SEC23A: variants seen among roughly 807,000 people sequenced by gnomAD.
SEC23A encodes protein transport protein Sec23A.
Under a neutral mutation model 103.7 loss-of-function variants are expected in SEC23A, and 56 were observed. That is an observed-to-expected ratio of 0.54 (90% CI 0.44 to 0.67). SEC23A has a LOEUF of 0.67. SEC23A is among the 30% of genes least tolerant of loss of function. The pLI, the probability that SEC23A is intolerant of heterozygous loss-of-function variation, is 0.00. For missense variants in SEC23A, 784 were observed against 936.4 expected (o/e 0.84, Z 2.12); for synonymous variants, 281 against 293.0 (o/e 0.96, Z 0.42).
chr14:39,083,286 T>A (rs1459898729), intron 7 of SEC23A, among the ~76,000 whole-genome samples: 2 of 152,070 alleles, frequency 1.3e-5, no homozygotes, highest in Admixed American at 1.3e-4. Flanking sequence ...TAAACGCATA[T>A]CTGATTGCTC....
At chr14:39,036,849 C>A (rs1195277679) in intron 19 of SEC23A, among the ~76,000 whole-genome samples, 1 of 152,118 alleles carries the variant, frequency 6.6e-6, no homozygotes, top group Non-Finnish European at 1.5e-5. Context: ...TTCTCACCCA[C>A]TAATTCCTTA....
intron 16 of SEC23A, 141 bp downstream of exon 16, chr14:39,045,022 T>C (rs1034214077): frequency 5.1e-5 from 37 of 726,870 alleles, no homozygotes; most frequent in Non-Finnish European, 8.0e-5. Context: ...TTTAAGCGAA[T>C]ACATTAATAG....
Position 39,076,005 on chromosome 14 carries a change from A to C in SEC23A, c.917T>G (p.Leu306Trp). 6.2e-7 allele frequency: 1 copy of C among 1,614,002 alleles called. No homozygotes were observed. Among genetic ancestry groups the C allele is most frequent in the Non-Finnish European group, 8.5e-7 (1 of 1,179,928 alleles). The change falls in exon 8 of 20, where the codon TTG becomes TGG. Residue 306 changes from leucine to tryptophan, a missense_variant. Leu to Trp is a moderately conservative substitution (Grantham distance 61, BLOSUM62 -2). This residue lies in a region of SEC23A where 683 missense variants were observed against 774.2 expected (regional missense o/e 0.88). Coordinates refer to ENST00000307712, the MANE Select transcript of SEC23A (RefSeq NM_006364.4). The part of the protein sequence containing the change: ...QGPGMVVGDE[L>W]KTPIRSWHDI... ...ATGCCACGATCTTATAGGTGTCTTC[A>C]ACTCATCTCCAACCACCATTCCAGG... is the stretch of plus-strand genomic sequence containing the variant.
At chr14:39,034,570 G>A (rs911955597) in intron 19 of SEC23A, among the ~76,000 whole-genome samples, 1 of 152,044 alleles carries the variant, frequency 6.6e-6, no homozygotes, top group Admixed American at 6.6e-5. Context: ...CTGTAACTAT[G>A]CCTGATTTTA....
Position 39,085,837 on chromosome 14 carries a change from A to T in SEC23A, c.753T>A (p.Pro251=). The T allele has an allele frequency of 6.2e-7, 1 of 1,613,974 alleles. No individual in the cohort carries two copies. Among genetic ancestry groups the T allele is most frequent in the Non-Finnish European group, 8.5e-7 (1 of 1,179,910 alleles). The change falls in exon 7 of 20, where the codon CCT becomes CCA. Residue 251 remains proline, a synonymous_variant. Coordinates refer to ENST00000307712, the MANE Select transcript of SEC23A (RefSeq NM_006364.4). ...GTCTCTTTCCCTGTGGTACAGGCCA[A>T]GGGTCTCGCTGGAGTTCTCCCAGAA... ...TDLLGELQRD[P]WPVPQGKRPL...
At chr14:39,071,834 A>G (rs531472227) in intron 9 of SEC23A, among the ~76,000 whole-genome samples, 7 of 152,312 alleles carry the variant, frequency 4.6e-5, no homozygotes, top group Admixed American at 4.6e-4. Flanking sequence ...ACTGCACTCC[A>G]GCCTGGGTGA....
At chr14:39,086,026 T>C (rs1887431767) in intron 6 of SEC23A, 120 bp from the exon 7 acceptor site, 2 of 872,042 alleles carry the variant, frequency 2.3e-6, no homozygotes, top group South Asian at 1.4e-5. Flanking sequence ...AGACCAATGG[T>C]TCTCAAACTT....
intron 19 of SEC23A, among the ~76,000 whole-genome samples, chr14:39,035,023 T>TCATC (rs1209128226): frequency 6.6e-6 from 1 of 152,174 alleles, no homozygotes; most frequent in African/African-American, 2.4e-5. Context: ...TTAAATGCAA[T>TCATC]CATCAAATTA....
At chr14:39,040,481 T>C (rs1885602039) in intron 18 of SEC23A, 1 of 539,512 alleles carries the variant, frequency 1.9e-6, no homozygotes, top group Non-Finnish European at 3.3e-6. Flanking sequence ...AATGCCATCC[T>C]GGCCCTGTTC....
intron 15 of SEC23A, chr14:39,047,382 C>A (rs952746580): frequency 4.7e-6 from 6 of 1,287,962 alleles, no homozygotes; most frequent in African/African-American, 4.6e-5. Context: ...GACAAGCAGA[C>A]CTTGCCTTTT....
chr14:39,083,563 CTTTTT>C (rs71130810), intron 7 of SEC23A, among the ~76,000 whole-genome samples: 3 of 91,806 alleles, frequency 3.3e-5, no homozygotes, highest in Admixed American at 1.3e-4. Flanking sequence ...AATAAACTTT[CTTTTT>C]TTTTTTTTTT....
At chr14:39,065,686 T>C (rs1886634972) in intron 10 of SEC23A, among the ~76,000 whole-genome samples, 1 of 152,036 alleles carries the variant, frequency 6.6e-6, no homozygotes, top group Non-Finnish European at 1.5e-5. Flanking sequence ...TAAAATGCAA[T>C]ATCCTCTAAC....
In SEC23A at chr14:39,048,715, T is replaced by C. The variant is rs1030625435; in HGVS notation, c.1674A>G (p.Gly558=). The C allele has an allele frequency of 1.3e-6, 2 of 1,565,478 alleles. No individual in the cohort carries two copies. Among genetic ancestry groups the C allele is most frequent in the African/African-American group, 1.3e-5 (1 of 74,440 alleles). ...AACTTGGGTCATCTTTATGATATTC[T>C]CCAAATTTCTGACACTAAATAAAAT... The part of the protein sequence containing the change: ...RQLIRLCQKF[G]EYHKDDPSSF... The change falls in exon 15 of 20, where the codon GGA becomes GGG. Residue 558 remains glycine, a synonymous_variant. Transcript: ENST00000307712.
chr14:39,038,215 ATT>A (rs1885522833), intron 19 of SEC23A, among the ~76,000 whole-genome samples: 1 of 152,162 alleles, frequency 6.6e-6, no homozygotes, highest in Non-Finnish European at 1.5e-5. Flanking sequence ...TGAAATAACC[ATT>A]CTTTAAATGA....
chr14:39,045,130 C>A, intron 16 of SEC23A, 33 bp downstream of exon 16: 1 of 1,600,862 alleles, frequency 6.2e-7, no homozygotes, highest in East Asian at 2.2e-5. Context: ...ATTGCAGTAA[C>A]AAGACCAATT....
chr14:39,035,609 G>A (rs1015192292), intron 19 of SEC23A, among the ~76,000 whole-genome samples: 1 of 152,052 alleles, frequency 6.6e-6, no homozygotes, highest in Non-Finnish European at 1.5e-5. Flanking sequence ...CCAACTTTTA[G>A]AACTTTTGGA....
chr14:39,051,036 C>T (rs1422911390), intron 14 of SEC23A, among the ~76,000 whole-genome samples: 1 of 152,170 alleles, frequency 6.6e-6, no homozygotes, highest in Non-Finnish European at 1.5e-5. Context: ...ATTACAACAA[C>T]AGCAACACAA....
At chr14:39,076,495 T>C (rs1407233331) in intron 7 of SEC23A, among the ~76,000 whole-genome samples, 7 of 151,126 alleles carry the variant, frequency 4.6e-5, no homozygotes, top group Non-Finnish European at 7.4e-5. Flanking sequence ...CTTTAACTCC[T>C]GGGCTCAAGT....
Position 39,032,335 on chromosome 14 carries a change from G to A in SEC23A, c.*904C>T, listed in dbSNP as rs924803925. On this transcript the variant is annotated 3_prime_UTR_variant, in exon 20 of 20. Transcript: ENST00000307712. ...ACTTAATACATTTCACAAAAAGGAAGGAAAAACAAAAAGTAATGTGTAAAC... is the reference window on the plus strand; with the variant it reads ...ACTTAATACATTTCACAAAAAGGAAAGAAAAACAAAAAGTAATGTGTAAAC... 1 of 152,290 alleles carries A rather than the reference G, an allele frequency of 6.6e-6. No homozygotes were observed. The highest frequency in any genetic ancestry group is 2.1e-4 in the South Asian group (1 of 4,818). The allele number at this position is 152,290 out of a possible 1,614,324, so 9.4% of individuals were successfully genotyped here.
Sources: gnomAD v4.1 joint callset for allele counts (sites outside exome capture counted in the v4.1 genomes callset) on GRCh38, gnomAD v4.1.1 for gene constraint, gnomAD v4.1.1 regional missense constraint, MANE v1.5 for transcripts, NCBI Gene and HGNC (gene_info 2026-07-23, HGNC 2026-07-21) for gene names.